The following BAIAP2 variants were observed in gnomAD, a reference collection of about 807,000 sequenced individuals.
The protein encoded by BAIAP2 is BAR/IMD domain-containing adapter protein 2.
Under a neutral mutation model 63.0 loss-of-function variants are expected in BAIAP2, and 18 were observed. That is an observed-to-expected ratio of 0.29 (90% confidence interval 0.20 to 0.42). BAIAP2 has a LOEUF of 0.42. Ranked by LOEUF, BAIAP2 falls within the 10% of genes least tolerant of loss-of-function variation. The pLI, the probability that BAIAP2 is intolerant of heterozygous loss-of-function variation, is 1.00. For missense variants in BAIAP2, 610 were observed against 734.3 expected (o/e 0.83, Z 1.96); for synonymous variants, 386 against 307.6 (o/e 1.25, Z -2.67).
At chr17:81,044,820 G>A (rs1212860429) in intron 1 of BAIAP2, among the ~76,000 whole-genome samples, 1 of 152,374 alleles carries the variant, frequency 6.6e-6, no homozygotes, top group African/African-American at 2.4e-5. Context: ...TCTATTGGAC[G>A]AGCAGTCAGC....
At chr17:81,089,280 G>T (rs1488789692) in intron 6 of BAIAP2, among the ~76,000 whole-genome samples, 1 of 152,214 alleles carries the variant, frequency 6.6e-6, no homozygotes, top group Admixed American at 6.5e-5. Flanking sequence ...TTCTTCTCAT[G>T]GGGGCTGTGA....
At chr17:81,099,414 C>T (rs1350066041) in intron 6 of BAIAP2, among the ~76,000 whole-genome samples, 1 of 150,674 alleles carries the variant, frequency 6.6e-6, no homozygotes, top group Non-Finnish European at 1.5e-5. Context: ...TCCAGCTCTC[C>T]TGCCTTTCGT....
At chr17:81,110,066 C>A (rs1427775360) in intron 13 of BAIAP2, 1 of 985,382 alleles carries the variant, frequency 1.0e-6, no homozygotes, top group African/African-American at 1.7e-5. Flanking sequence ...TTGTCTCTTC[C>A]CACACTGAAC....
At chr17:81,035,661 C>T (rs1214851768) in intron 1 of BAIAP2, among the ~76,000 whole-genome samples, 1 of 151,460 alleles carries the variant, frequency 6.6e-6, no homozygotes, top group Non-Finnish European at 1.5e-5. Flanking sequence ...CGCCGGGCCC[C>T]GGAAGCCCTC....
chr17:81,074,174 G>T (rs924357587), intron 3 of BAIAP2, among the ~76,000 whole-genome samples: 1 of 152,222 alleles, frequency 6.6e-6, no homozygotes, highest in Admixed American at 6.5e-5. Context: ...AGGCAGAGAA[G>T]GTCCTTGCTC....
intron 3 of BAIAP2, among the ~76,000 whole-genome samples, chr17:81,061,594 C>T (rs1036861284): frequency 6.6e-6 from 1 of 152,194 alleles, no homozygotes; most frequent in Non-Finnish European, 1.5e-5. Flanking sequence ...CTGCTGCGCG[C>T]GTCAGGAATT....
intron 1 of BAIAP2, among the ~76,000 whole-genome samples, chr17:81,049,032 T>TC (rs1403003848): frequency 6.6e-6 from 1 of 152,196 alleles, no homozygotes; most frequent in African/African-American, 2.4e-5. Flanking sequence ...GGAAAGGTGT[T>TC]CCCTGGTCAA....
At chr17:81,108,653 G>A (rs2059473625) in intron 13 of BAIAP2, 144 bp downstream of exon 13, 2 of 1,080,148 alleles carry the variant, frequency 1.9e-6, no homozygotes, top group Admixed American at 4.9e-5. Flanking sequence ...AGCCGGGGAT[G>A]TCCCTTAGGG....
intron 2 of BAIAP2, among the ~76,000 whole-genome samples, chr17:81,054,381 A>T (rs1339086720): frequency 6.6e-6 from 1 of 152,176 alleles, no homozygotes; most frequent in East Asian, 1.9e-4. Flanking sequence ...GGACTTGGGC[A>T]CAGCCTGTGG....
Position 81,084,840 on chromosome 17 carries a change from C to G in BAIAP2, c.226C>G (p.Leu76Val). ...SQGSKELGDV[L>V]FQMAEVHRQI... ...GCTGTTCTGCTTCCCAGGAGACGTT[C>G]TCTTCCAGATGGCTGAAGTCCACAG... Residue 76 changes from leucine (L) to valine (V), a missense_variant, in exon 4 of 14, where the codon CTC becomes GTC. Around this residue, in one of 5 missense-constraint regions of BAIAP2, gnomAD observed 389 missense variants for 455.6 expected, o/e 0.85. Transcript: ENST00000428708. The G allele has an allele frequency of 6.2e-7, 1 of 1,613,826 alleles. No homozygotes were observed. The highest frequency in any genetic ancestry group is 8.5e-7 in the Non-Finnish European group (1 of 1,180,014).
intron 1 of BAIAP2, among the ~76,000 whole-genome samples, chr17:81,038,292 T>A (rs6565528): frequency 1.3e-5 from 2 of 152,198 alleles, no homozygotes; most frequent in Non-Finnish European, 2.9e-5. Flanking sequence ...GCTGGCTGTG[T>A]CTCCTGGAAT....
At chr17:81,060,402 C>T (rs755527365) in intron 3 of BAIAP2, among the ~76,000 whole-genome samples, 19 of 152,204 alleles carry the variant, frequency 1.2e-4, no homozygotes, top group South Asian at 4.1e-4. Context: ...TCTGTCTCTC[C>T]GGACTGGCCC....
At chr17:81,110,868 C>G (rs762590535) in intron 13 of BAIAP2, 2 of 1,613,138 alleles carry the variant, frequency 1.2e-6, no homozygotes, top group East Asian at 2.2e-5. Context: ...CCCCCGAGTC[C>G]TCAGACCCCA....
intron 3 of BAIAP2, among the ~76,000 whole-genome samples, chr17:81,062,580 C>T (rs2050752494): frequency 6.6e-6 from 1 of 152,144 alleles, no homozygotes; most frequent in Non-Finnish European, 1.5e-5. Context: ...CTCGGCCGTG[C>T]AGAGTCAGCT....
intron 6 of BAIAP2, among the ~76,000 whole-genome samples, chr17:81,087,204 T>C (rs2055822872): frequency 6.6e-6 from 1 of 152,110 alleles, no homozygotes; most frequent in African/African-American, 2.4e-5. Flanking sequence ...TGCCCAGTCG[T>C]GTGTAAAGGA....
intron 1 of BAIAP2, among the ~76,000 whole-genome samples, chr17:81,042,918 C>T (rs921262727): frequency 2.0e-5 from 3 of 151,970 alleles, no homozygotes; most frequent in African/African-American, 7.3e-5. Flanking sequence ...GAGTCTTGTT[C>T]TGTCACCCAG....
intron 13 of BAIAP2, chr17:81,111,094 C>T (rs935245775): frequency 4.7e-6 from 5 of 1,064,364 alleles, no homozygotes; most frequent in Non-Finnish European, 5.6e-6. Context: ...GAGCCTGCCT[C>T]TCACTCTGGG....
chr17:81,103,877 C>A (rs912283617), intron 8 of BAIAP2, 30 bp from the exon 9 acceptor site: 1 of 1,610,640 alleles, frequency 6.2e-7, no homozygotes, highest in Non-Finnish European at 8.5e-7. Context: ...TGGGCTCCAG[C>A]AACAGCCTGC....
At chr17:81,115,537 G>T (rs932191344) in intron 13 of BAIAP2, among the ~76,000 whole-genome samples, 1 of 152,174 alleles carries the variant, frequency 6.6e-6, no homozygotes, top group African/African-American at 2.4e-5. Flanking sequence ...CGGGGTGGGG[G>T]CACCCTGCCT....
Sources: allele counts gnomAD v4.1 joint callset (sites outside exome capture counted in the v4.1 genomes callset), GRCh38; gene constraint gnomAD v4.1.1; regional missense constraint gnomAD v4.1.1; transcripts MANE v1.5; gene names NCBI Gene and HGNC (gene_info 2026-07-23, HGNC 2026-07-21).